DDX4: variants seen among roughly 807,000 people sequenced by gnomAD.
DDX4 encodes DEAD-box helicase 4, also known as probable ATP-dependent RNA helicase DDX4.
In DDX4, 25 loss-of-function variants were observed where a neutral mutation model predicts 100.0. The observed-to-expected ratio is 0.25, with a 90% CI of 0.18 to 0.35. DDX4 has a LOEUF of 0.35. Ranked by LOEUF, DDX4 falls within the 10% of genes least tolerant of loss-of-function variation. DDX4 has a pLI of 1.00. For synonymous variants in DDX4, 259 were observed against 275.7 expected (o/e 0.94, Z 0.60); for missense variants, 635 against 882.4 (o/e 0.72, Z 3.55).
intron 3 of DDX4, among the ~76,000 whole-genome samples, chr5:55,759,831 C>A (rs1362645448): frequency 6.6e-6 from 1 of 151,994 alleles, no homozygotes; most frequent in East Asian, 1.9e-4. Context: ...ATGTTTCGTG[C>A]CTGTTTCCCT....
intron 18 of DDX4, among the ~76,000 whole-genome samples, chr5:55,807,872 T>C (rs190273159): frequency 6.6e-6 from 1 of 152,224 alleles, no homozygotes; most frequent in Non-Finnish European, 1.5e-5. Context: ...TGGCCTGCCT[T>C]GCTAGATTGA....
chr5:55,750,905 C>G (rs1163961529), intron 3 of DDX4, among the ~76,000 whole-genome samples: 1 of 152,084 alleles, frequency 6.6e-6, no homozygotes, highest in African/African-American at 2.4e-5. Context: ...TTTATCTACT[C>G]CCATTCTTCC....
chr5:55,763,105 A>G (rs1740667777), intron 4 of DDX4, 70 bp from the exon 5 acceptor site: 1 of 1,031,846 alleles, frequency 9.7e-7, no homozygotes, highest in African/African-American at 1.6e-5. Flanking sequence ...AATTCATTTA[A>G]TTCTTAGTTT....
At chr5:55,761,663 A>G (rs1169437593) in intron 4 of DDX4, among the ~76,000 whole-genome samples, 1 of 151,668 alleles carries the variant, frequency 6.6e-6, no homozygotes, top group Non-Finnish European at 1.5e-5. Context: ...GCTGGAGTAC[A>G]ATGGCACAAT....
intron 8 of DDX4, 149 bp downstream of exon 8, chr5:55,780,214 T>C: frequency 1.6e-6 from 2 of 1,280,336 alleles, no homozygotes; most frequent in African/African-American, 1.5e-5. Flanking sequence ...ACATTGTATA[T>C]AACATTATTT....
At chr5:55,798,681 GTC>G (rs1373339683) in intron 18 of DDX4, 110 bp downstream of exon 18, 4 of 1,018,464 alleles carry the variant, frequency 3.9e-6, no homozygotes, top group East Asian at 2.8e-5. Flanking sequence ...TTTGTTTTAA[GTC>G]TCTCTCCCTC....
At chr5:55,757,839 T>C (rs568951484) in intron 3 of DDX4, among the ~76,000 whole-genome samples, 1 of 151,842 alleles carries the variant, frequency 6.6e-6, no homozygotes. Flanking sequence ...AGGCCAGGAG[T>C]TCGAGACCTG....
intron 7 of DDX4, among the ~76,000 whole-genome samples, chr5:55,779,685 T>C (rs993713411): frequency 5.3e-5 from 8 of 152,196 alleles, no homozygotes; most frequent in African/African-American, 1.7e-4. Flanking sequence ...TTGGTGACTT[T>C]TAGTGTTTTA....
At chr5:55,744,655 ATTTTCT>A (rs559735051) in intron 2 of DDX4, among the ~76,000 whole-genome samples, 7 of 152,280 alleles carry the variant, frequency 4.6e-5, no homozygotes, top group African/African-American at 1.7e-4. Context: ...ATAGTAAATG[ATTTTCT>A]TTAGCCTAAA....
At chr5:55,743,162 A>G (rs561618301) in intron 2 of DDX4, among the ~76,000 whole-genome samples, 2 of 152,358 alleles carry the variant, frequency 1.3e-5, no homozygotes, top group South Asian at 4.1e-4. Flanking sequence ...TCAAGGTGTC[A>G]GCAGCGCTGC....
intron 18 of DDX4, among the ~76,000 whole-genome samples, chr5:55,808,218 T>C (rs2112164936): frequency 6.6e-6 from 1 of 152,260 alleles, no homozygotes; most frequent in East Asian, 1.9e-4. Context: ...TAGCCATTCG[T>C]CTAATTTTTT....
At chr5:55,783,629 G>A (rs2111999334) in intron 10 of DDX4, among the ~76,000 whole-genome samples, 1 of 150,424 alleles carries the variant, frequency 6.6e-6, no homozygotes, top group South Asian at 2.1e-4. Flanking sequence ...AGGAAGGAGG[G>A]AGGAGATGGA....
chr5:55,787,848 G>A lies in DDX4; in HGVS notation c.1020G>A (p.Ala340=). The change falls in exon 15 of 22, where the codon GCG becomes GCA. Residue 340 remains alanine (A), a splice_region_variant and synonymous_variant. Transcript: ENST00000505374. ...AAACTAAGCAACTTAACTTCTAGGC[G>A]GCTTTTCTCCTACCAATTTTGGCTC... ...ACAQTGSGKT[A]AFLLPILAHM... The A allele has an allele frequency of 3.7e-6, 6 of 1,610,610 alleles. No homozygotes were observed. Among genetic ancestry groups the A allele is most frequent in the East Asian group, 2.2e-5 (1 of 44,812 alleles).
intron 6 of DDX4, 99 bp from the exon 7 acceptor site, chr5:55,767,782 T>G: frequency 2.6e-6 from 2 of 770,926 alleles, no homozygotes; most frequent in Non-Finnish European, 2.0e-6. Context: ...TGAAAATATT[T>G]TGTCTTCTTA....
Position 55,800,948 on chromosome 5 carries a change from T to A in DDX4, c.1615+2377T>A, listed in dbSNP as rs578229255. 3.9e-5 allele frequency among the ~76,000 whole-genome samples: 6 copies of A among 152,300 alleles called. No individual in the cohort carries two copies. The South Asian group carries it at 1.0e-3, about 26-fold the overall frequency. ...TTCCTTTTGCCTTTAAATATATAAGTTTATTTCGGAGTGGCATAGCCCAAC... is the reference window on the plus strand; with the variant it reads ...TTCCTTTTGCCTTTAAATATATAAGATTATTTCGGAGTGGCATAGCCCAAC... On this transcript the variant is annotated intron_variant, in intron 18 of 21. Transcript: ENST00000505374.
At chr5:55,781,528 G>A (rs1741910552) in intron 9 of DDX4, among the ~76,000 whole-genome samples, 1 of 152,178 alleles carries the variant, frequency 6.6e-6, no homozygotes, top group South Asian at 2.1e-4. Flanking sequence ...TGTAATCCCA[G>A]CAGTTTGGGA....
chr5:55,815,774 C>CT (rs67244556), intron 21 of DDX4, among the ~76,000 whole-genome samples: 3,684 of 135,980 alleles, frequency 0.027, 112 homozygotes, highest in African/African-American at 0.067. Context: ...TTTTTCTTTT[C>CT]TTTTTTTTTT....
At chr5:55,751,809 A>AT (rs1460601048) in intron 3 of DDX4, among the ~76,000 whole-genome samples, 2 of 152,122 alleles carry the variant, frequency 1.3e-5, no homozygotes, top group Non-Finnish European at 2.9e-5. Context: ...TTATTAAATA[A>AT]TTTTTTTGCT....
intron 4 of DDX4, 74 bp from the exon 5 acceptor site, chr5:55,763,101 T>C (rs1488845376): frequency 7.9e-6 from 8 of 1,009,856 alleles, no homozygotes; most frequent in South Asian, 1.5e-5. Context: ...CAGAAATTCA[T>C]TTAATTCTTA....
Sources: allele counts gnomAD v4.1 joint callset (sites outside exome capture counted in the v4.1 genomes callset), GRCh38; gene constraint gnomAD v4.1.1; transcripts MANE v1.5; gene names NCBI Gene and HGNC (gene_info 2026-07-23, HGNC 2026-07-21).